FAM107B: variants seen among roughly 807,000 people sequenced by gnomAD.
FAM107B encodes the protein protein FAM107B.
Under a neutral mutation model 31.5 loss-of-function variants are expected in FAM107B, and 21 were observed. The observed-to-expected ratio is 0.67, with a 90% confidence interval of 0.47 to 0.96. The LOEUF is 0.96. Among genes scored for constraint, FAM107B ranks in the 40% least tolerant of loss-of-function variants. The pLI, the probability that FAM107B is intolerant of heterozygous loss-of-function variation, is 0.00. For synonymous variants in FAM107B, 157 were observed against 141.5 expected (o/e 1.11, Z -0.78); for missense variants, 452 against 377.1 (o/e 1.20, Z -1.64).
intron 3 of FAM107B, among the ~76,000 whole-genome samples, chr10:14,526,111 A>G (rs1021569414): frequency 1.3e-5 from 2 of 152,196 alleles, no homozygotes; most frequent in African/African-American, 4.8e-5. Context: ...TCACTTAGTC[A>G]AACATCTCCC....
chr10:14,533,979 C>A lies in FAM107B; in HGVS notation c.470-3464G>T, dbSNP rs193231280. On this transcript the variant is annotated intron_variant, in intron 2 of 4. Coordinates refer to ENST00000181796, the MANE Select transcript of FAM107B (RefSeq NM_031453.4). ...AGACACTTGTGGCTGCACAGAAGTG[C>A]GTGTAGTGCATTTAGGATTTCAGCC... Among the ~76,000 whole-genome samples the A allele has an allele frequency of 2.6e-3, 394 of 152,238 alleles. 1 individual carries two copies. Among genetic ancestry groups the A allele is most frequent in the African/African-American group, 9.2e-3 (383 of 41,520 alleles).
chr10:14,664,795 T>C (rs1020090847), intron 2 of FAM107B, among the ~76,000 whole-genome samples: 2 of 152,232 alleles, frequency 1.3e-5, no homozygotes, highest in Non-Finnish European at 2.9e-5. Context: ...GTAAAAGTTT[T>C]TTGAATGAAT....
intron 1 of FAM107B, among the ~76,000 whole-genome samples, chr10:14,744,069 T>C (rs962333936): frequency 1.3e-5 from 2 of 151,906 alleles, no homozygotes; most frequent in African/African-American, 4.8e-5. Flanking sequence ...GGTCCTTCCC[T>C]TGTTAGCTGT....
chr10:14,618,243 G>A (rs915852830), intron 2 of FAM107B, among the ~76,000 whole-genome samples: 9 of 152,124 alleles, frequency 5.9e-5, no homozygotes, highest in African/African-American at 1.4e-4. Flanking sequence ...TCAGTAATTC[G>A]TTCTTTTTAT....
intron 3 of FAM107B, among the ~76,000 whole-genome samples, chr10:14,524,431 T>TA (rs911606207): frequency 4.3e-4 from 65 of 152,116 alleles, no homozygotes; most frequent in Admixed American, 1.2e-3. Flanking sequence ...AACTTTCCGT[T>TA]AAAAAAAATT....
intron 1 of FAM107B, among the ~76,000 whole-genome samples, chr10:14,674,577 C>T (rs1375936393): frequency 6.6e-6 from 1 of 152,186 alleles, no homozygotes; most frequent in East Asian, 1.9e-4. Context: ...GTTATAAGGG[C>T]TGGAGCACTT....
intron 2 of FAM107B, among the ~76,000 whole-genome samples, chr10:14,601,137 T>C (rs1852383313): frequency 6.6e-6 from 1 of 152,238 alleles, no homozygotes. Flanking sequence ...GCCTGGCACA[T>C]GACGGGCACT....
intron 2 of FAM107B, among the ~76,000 whole-genome samples, chr10:14,643,864 G>T (rs532946989): frequency 2.5e-4 from 38 of 152,262 alleles, no homozygotes; most frequent in African/African-American, 8.2e-4. Flanking sequence ...AGACCCTCAG[G>T]TATATGATTT....
intron 2 of FAM107B, among the ~76,000 whole-genome samples, chr10:14,588,091 G>C (rs919653937): frequency 6.6e-5 from 10 of 152,106 alleles, no homozygotes; most frequent in African/African-American, 2.2e-4. Flanking sequence ...AGTAGAGAGA[G>C]TGCCTAATGT....
chr10:14,586,337 AT>A (rs1851835551), intron 2 of FAM107B, among the ~76,000 whole-genome samples: 6 of 152,284 alleles, frequency 3.9e-5, no homozygotes, highest in Admixed American at 3.3e-4. Flanking sequence ...AAAGAAAAAA[AT>A]ATATGAGATG....
At chr10:14,539,956 A>T (rs879404189) in intron 2 of FAM107B, among the ~76,000 whole-genome samples, 1 of 152,208 alleles carries the variant, frequency 6.6e-6, no homozygotes, top group African/African-American at 2.4e-5. Context: ...CCCTAGGTTC[A>T]GCCAACAGCA....
chr10:14,599,853 C>CAAAA, intron 2 of FAM107B, among the ~76,000 whole-genome samples: 1 of 126,038 alleles, frequency 7.9e-6, no homozygotes, highest in Non-Finnish European at 1.7e-5. Context: ...CCTTGATCTA[C>CAAAA]AAAAAAAAAA....
At chr10:14,722,731 T>A (rs2768699) in intron 1 of FAM107B, among the ~76,000 whole-genome samples, 70,232 of 151,956 alleles carry the variant, frequency 0.46, 16,423 homozygotes, top group Admixed American at 0.54. Flanking sequence ...ATCAGATATA[T>A]AATTTGCAAA....
chr10:14,563,878 G>A lies in FAM107B; in HGVS notation c.470-33363C>T, dbSNP rs370989688. ...ATTCACAAAAATGGAAAACAATGTCGCTCTTCTCACTAAATTTTTTTTTGG... is the reference window on the plus strand; with the variant it reads ...ATTCACAAAAATGGAAAACAATGTCACTCTTCTCACTAAATTTTTTTTTGG... On this transcript the variant is annotated intron_variant, in intron 2 of 4. Transcript: ENST00000181796. 5.9e-4 allele frequency among the ~76,000 whole-genome samples: 89 copies of A among 152,126 alleles called. 2 individuals carry two copies. The highest frequency in any genetic ancestry group is 2.0e-3 in the African/African-American group (84 of 41,484).
intron 2 of FAM107B, among the ~76,000 whole-genome samples, chr10:14,621,254 C>A (rs1035144944): frequency 1.3e-5 from 2 of 152,014 alleles, no homozygotes; most frequent in African/African-American, 4.8e-5. Flanking sequence ...TTTCACATTT[C>A]GATGTTTTGA....
intron 2 of FAM107B, among the ~76,000 whole-genome samples, chr10:14,568,390 TG>T (rs11289587): frequency 0.039 from 5,570 of 144,288 alleles, 58 homozygotes; most frequent in South Asian, 0.049. Flanking sequence ...GTGAAGATAC[TG>T]GAGGAGAAGG....
rs1854439811 is a variant in FAM107B, at chr10:14,667,662, G to T, written c.441C>A (p.Cys147Ter). ...KEEEFREEPK[C>*]LELEQKMTSD... ...ATGTCATTTTCTGCTCCAGCTCGAG[G>T]CATTTAGGTTCTTCTCGAAATTCTT... Residue 147 changes from cysteine (C) to a stop codon, truncating the protein, a stop_gained, in exon 2 of 5, where the codon TGC becomes TGA. Coordinates refer to ENST00000181796, the MANE Select transcript of FAM107B (RefSeq NM_031453.4). LOFTEE classifies it high-confidence loss of function. 1.2e-5 allele frequency: 19 copies of T among 1,614,132 alleles called. No homozygotes were observed. In the East Asian group the frequency reaches 4.2e-4, roughly 36 times the overall value.
At chr10:14,526,893 A>G (rs1349416449) in intron 3 of FAM107B, among the ~76,000 whole-genome samples, 1 of 149,536 alleles carries the variant, frequency 6.7e-6, no homozygotes, top group Non-Finnish European at 1.5e-5. Context: ...GCTGGAGTGT[A>G]GTGGCGCCAT....
intron 1 of FAM107B, among the ~76,000 whole-genome samples, chr10:14,677,403 C>T (rs1854709722): frequency 6.6e-6 from 1 of 152,148 alleles, no homozygotes; most frequent in Admixed American, 6.5e-5. Flanking sequence ...GGGCAGATCA[C>T]GAGGTCAGGA....
Sources: gnomAD v4.1 joint callset for allele counts (sites outside exome capture counted in the v4.1 genomes callset) on GRCh38, gnomAD v4.1.1 for gene constraint, MANE v1.5 for transcripts, NCBI Gene and HGNC (gene_info 2026-07-23, HGNC 2026-07-21) for gene names.